The following GSAP variants were observed in gnomAD, a reference collection of about 807,000 sequenced individuals.
GSAP encodes gamma-secretase-activating protein.
GSAP carries 118 observed loss-of-function variants against 131.7 expected under a neutral mutation model. The observed-to-expected ratio is 0.90, with a 90% CI of 0.77 to 1.04. GSAP has a LOEUF of 1.04. Ranked by LOEUF, GSAP falls within the 50% of genes least tolerant of loss-of-function variation. The probability of loss-of-function intolerance (pLI) is 0.00; values close to 1 mark genes in which losing one functional copy is unlikely to be tolerated. For missense variants in GSAP, 1,019 were observed against 1,013.2 expected, an observed-to-expected ratio of 1.01 and a Z score of -0.08; for synonymous variants, 381 against 363.4, an observed-to-expected ratio of 1.05 and a Z score of -0.55.
chr7:77,364,189 A>G (rs754573498), intron 12 of GSAP, among the ~76,000 whole-genome samples: 2 of 152,164 alleles, frequency 1.3e-5, no homozygotes, highest in Admixed American at 6.5e-5. Flanking sequence ...ATAGTAGTGA[A>G]TGAGTCAACT....
intron 28 of GSAP, among the ~76,000 whole-genome samples, chr7:77,312,902 C>G (rs1001046767): frequency 6.6e-6 from 1 of 152,212 alleles, no homozygotes; most frequent in African/African-American, 2.4e-5. Flanking sequence ...TGTGGAATTT[C>G]ATATTTTCAT....
chr7:77,404,409 G>C, intron 3 of GSAP, 150 bp downstream of exon 3: 1 of 654,630 alleles, frequency 1.5e-6, no homozygotes, highest in South Asian at 1.7e-5. Flanking sequence ...CCTGGTCTGT[G>C]TGTATGCCTC....
At chr7:77,355,731 G>T in intron 14 of GSAP, 84 bp from the exon 15 acceptor site, 1 of 748,742 alleles carries the variant, frequency 1.3e-6, no homozygotes, top group Non-Finnish European at 2.3e-6. Flanking sequence ...GCTTGTCTCT[G>T]AATATCTCAA....
intron 3 of GSAP, among the ~76,000 whole-genome samples, chr7:77,402,161 G>T (rs1331233912): frequency 1.3e-5 from 2 of 151,918 alleles, no homozygotes; most frequent in African/African-American, 4.8e-5. Flanking sequence ...ATCCCATCCT[G>T]AAGCTCAATT....
intron 5 of GSAP, among the ~76,000 whole-genome samples, chr7:77,389,732 C>T (rs1452147694): frequency 2.6e-5 from 4 of 152,090 alleles, no homozygotes; most frequent in Non-Finnish European, 5.9e-5. Context: ...TGAATAGTGC[C>T]ACAATAAATG....
chr7:77,397,373 A>T lies in GSAP; in HGVS notation c.286T>A (p.Ser96Thr), dbSNP rs1800587919. Residue 96 changes from serine to threonine, a missense_variant, in exon 4 of 31, where the codon TCT (serine) becomes ACT (threonine). Physicochemically the swap from Ser to Thr is moderately conservative, Grantham distance 58. Transcript: ENST00000257626. ...AGCAAAGTCCTTTCACTGTTGACAG[A>T]GCAACTGAAAACTTGCAAGTCTTTC... ...FEKDLQVFSC[S>T]VNSERTLLAA... is the part of the protein sequence containing the mutation. 6.2e-7 allele frequency: 1 copy of T among 1,607,126 alleles called. No homozygotes were observed. The highest frequency in any genetic ancestry group is 1.1e-5 in the South Asian group (1 of 90,322).
At chr7:77,322,603 T>TA (rs1787817548) in intron 24 of GSAP, among the ~76,000 whole-genome samples, 3 of 138,546 alleles carry the variant, frequency 2.2e-5, no homozygotes, top group Non-Finnish European at 4.8e-5. Flanking sequence ...TTTTTTTTTT[T>TA]TAAAGCAAGT....
intron 8 of GSAP, 42 bp downstream of exon 8, chr7:77,381,263 G>GA (rs76371639): frequency 0.1 from 112,529 of 1,102,720 alleles, 6,950 homozygotes; most frequent in East Asian, 0.4. Context: ...TCTTTGTGGG[G>GA]AAAAAAAAAC....
chr7:77,332,332 AGTTTT>A (rs1029231599), intron 19 of GSAP, among the ~76,000 whole-genome samples: 1 of 152,216 alleles, frequency 6.6e-6, no homozygotes, highest in African/African-American at 2.4e-5. Flanking sequence ...CATTTTTCAT[AGTTTT>A]GTTTTATTTT....
chr7:77,330,217 G>T, intron 20 of GSAP, 22 bp downstream of exon 20: 1 of 1,600,034 alleles, frequency 6.2e-7, no homozygotes, highest in South Asian at 1.1e-5. Flanking sequence ...TGCTGGCTTT[G>T]TTCTCACTGA....
At chr7:77,406,240 G>A (rs188008402) in intron 1 of GSAP, 135 bp from the exon 2 acceptor site, 12 of 390,150 alleles carry the variant, frequency 3.1e-5, no homozygotes, top group Admixed American at 1.2e-4. Context: ...CAGGCAAAAC[G>A]AATCTCTTTT....
In GSAP at chr7:77,320,816, A is replaced by G. The variant is rs954211293; in HGVS notation, c.1998T>C (p.Asn666=). ...HNLHSWVLHF[N]SRGSAAEFAV... is the part of the protein sequence containing the mutation. ...CAAATTCAGCAGCACTGCCACGACT[A>G]TTGCTGGGTAAAAAAAACAAAGCAG... The change falls in exon 26 of 31, where the codon AAT becomes AAC. Residue 666 remains asparagine (N), a synonymous_variant. Coordinates refer to ENST00000257626, the MANE Select transcript of GSAP (RefSeq NM_017439.4). 5.0e-6 allele frequency: 8 copies of G among 1,597,240 alleles called. No homozygotes were observed. Among genetic ancestry groups the G allele is most frequent in the East Asian group, 4.5e-5 (2 of 44,786 alleles).
chr7:77,363,105 C>G (rs1292341786), intron 12 of GSAP, among the ~76,000 whole-genome samples: 3 of 152,204 alleles, frequency 2.0e-5, no homozygotes, highest in Non-Finnish European at 4.4e-5. Context: ...GATTGAAAGG[C>G]AAAGTGTGAT....
At chr7:77,332,572 G>A (rs2150697556) in intron 19 of GSAP, among the ~76,000 whole-genome samples, 1 of 152,232 alleles carries the variant, frequency 6.6e-6, no homozygotes, top group Non-Finnish European at 1.5e-5. Context: ...GCGCTCTTCT[G>A]GGTAGATGGT....
intron 8 of GSAP, among the ~76,000 whole-genome samples, chr7:77,378,442 C>A (rs909752840): frequency 6.6e-6 from 1 of 151,936 alleles, no homozygotes; most frequent in Non-Finnish European, 1.5e-5. Flanking sequence ...CAAGATCCCA[C>A]CACTGCACTC....
chr7:77,347,643 A>G (rs1792109206), intron 19 of GSAP, among the ~76,000 whole-genome samples: 1 of 152,204 alleles, frequency 6.6e-6, no homozygotes, highest in Non-Finnish European at 1.5e-5. Context: ...ATTAGAAATT[A>G]TAAGTTTACA....
At chr7:77,348,967 C>T (rs10277134) in intron 19 of GSAP, among the ~76,000 whole-genome samples, 18,527 of 152,180 alleles carry the variant, frequency 0.12, 1,666 homozygotes, top group East Asian at 0.41. Flanking sequence ...CGTGCACGTG[C>T]GCAAGCTCAT....
intron 5 of GSAP, among the ~76,000 whole-genome samples, chr7:77,390,020 G>T (rs193067189): frequency 1.7e-3 from 259 of 152,280 alleles, no homozygotes; most frequent in East Asian, 0.011. Flanking sequence ...TGATTTGCAT[G>T]TCTCTGATGG....
chr7:77,400,403 C>T (rs1275100258), intron 3 of GSAP, among the ~76,000 whole-genome samples: 1 of 152,164 alleles, frequency 6.6e-6, no homozygotes, highest in Non-Finnish European at 1.5e-5. Context: ...ATGAGGCCTT[C>T]ACCTACCTTT....
Sources: gnomAD v4.1 joint callset for allele counts (sites outside exome capture counted in the v4.1 genomes callset) on GRCh38, gnomAD v4.1.1 for gene constraint, MANE v1.5 for transcripts, NCBI Gene and HGNC (gene_info 2026-07-23, HGNC 2026-07-21) for gene names.